EFCAB8: variants seen among roughly 807,000 people sequenced by gnomAD.
EFCAB8 encodes EF-hand calcium binding domain 8, also known as EF-hand calcium-binding domain-containing protein 8.
A neutral mutation model predicts 116.3 loss-of-function variants in EFCAB8; 100 were observed. The observed-to-expected ratio is 0.86, with a 90% CI of 0.73 to 1.02. The LOEUF (loss-of-function observed/expected upper bound fraction) is 1.02, where lower values mean the gene tolerates loss of function less well. EFCAB8 is among the 50% of genes least tolerant of loss of function. EFCAB8 has a pLI of 0.00. For synonymous variants in EFCAB8, 558 were observed against 567.9 expected, an observed-to-expected ratio of 0.98 and a Z score of 0.25; for missense variants, 1,320 against 1,416.9, an observed-to-expected ratio of 0.93 and a Z score of 1.10.
At chr20:32,891,142 C>G (rs1985888500) in intron 7 of EFCAB8, among the ~76,000 whole-genome samples, 3 of 152,302 alleles carry the variant, frequency 2.0e-5, no homozygotes, top group Middle Eastern at 3.4e-3. Flanking sequence ...GACAGTCTCA[C>G]TCTGTCACCC....
chr20:32,913,260 G>A lies in EFCAB8; in HGVS notation c.1856+396G>A, dbSNP rs1987026228. ...TCCAGACAAGGTGCCAGCAGATTTG[G>A]TGCCTGGTGAGGGCCTACTTCCTGA... On this transcript the variant is annotated intron_variant, in intron 17 of 26. Coordinates refer to ENST00000400522, the MANE Select transcript of EFCAB8 (RefSeq NM_001143967.2). 2.0e-5 allele frequency among the ~76,000 whole-genome samples: 3 copies of A among 152,118 alleles called. No individual in the cohort carries two copies. The South Asian group carries it at 6.2e-4, about 32-fold the overall frequency.
In EFCAB8 at chr20:32,889,409, G is replaced by A. The variant is rs1056516738; in HGVS notation, c.673+3G>A. On this transcript the variant is annotated splice_donor_region_variant and intron_variant, in intron 7 of 26. Transcript: ENST00000400522. ...TGCGTCTACCAGGCAAAAGATAGGT[G>A]AGTCCCTGGGGGCTTCCCAGCTCTG... The A allele has an allele frequency of 6.4e-7, 1 of 1,551,674 alleles. No homozygotes were observed. Among genetic ancestry groups the A allele is most frequent in the East Asian group, 2.4e-5 (1 of 40,920 alleles).
At chr20:32,901,205 G>T (rs1016898325) in intron 11 of EFCAB8, among the ~76,000 whole-genome samples, 10 of 152,200 alleles carry the variant, frequency 6.6e-5, no homozygotes, top group Non-Finnish European at 1.0e-4. Context: ...CATTGGTGGT[G>T]GTATCACTTA....
intron 21 of EFCAB8, 107 bp from the exon 22 acceptor site, chr20:32,931,070 GC>G (rs1987888895): frequency 3.1e-6 from 3 of 959,948 alleles, no homozygotes; most frequent in Non-Finnish European, 3.1e-6. Flanking sequence ...AGTAAGAACT[GC>G]CCCCCACCCC....
In EFCAB8 at chr20:32,960,307, A is replaced by G. The variant is rs139756965; in HGVS notation, c.3393+146A>G. On this transcript the variant is annotated intron_variant, in intron 26 of 26. Transcript: ENST00000400522. ...CCTTTAACAGGATTCTGGGCCATGG[A>G]CAGGTCTGGGATGAGACTAATGTGG... The G allele has an allele frequency of 8.5e-3, 6,870 of 809,824 alleles. 83 individuals are homozygous for G. Among genetic ancestry groups the G allele is most frequent in the Non-Finnish European group, 8.0e-3 (4,059 of 505,030 alleles). 50.2% of individuals were successfully genotyped at this position (809,824 alleles called of 1,614,324 possible).
intron 22 of EFCAB8, among the ~76,000 whole-genome samples, chr20:32,931,788 A>G (rs943593890): frequency 1.3e-5 from 2 of 152,186 alleles, no homozygotes; most frequent in Non-Finnish European, 2.9e-5. Context: ...ATTCGTAATA[A>G]TGCCACATTA....
At chr20:32,912,700 G>A (rs1986998489) in intron 16 of EFCAB8, 94 bp from the exon 17 acceptor site, 1 of 702,312 alleles carries the variant, frequency 1.4e-6, no homozygotes, top group Non-Finnish European at 2.6e-6. Context: ...CCAGAGATTT[G>A]ACTTCTTGCT....
chr20:32,914,372 A>G (rs1476606947), intron 17 of EFCAB8, among the ~76,000 whole-genome samples: 1 of 152,174 alleles, frequency 6.6e-6, no homozygotes, highest in African/African-American at 2.4e-5. Flanking sequence ...CTTCAGGGTC[A>G]TTCTTTCATT....
chr20:32,883,221 G>C (rs1985431514), intron 5 of EFCAB8, among the ~76,000 whole-genome samples: 1 of 152,180 alleles, frequency 6.6e-6, no homozygotes, highest in Non-Finnish European at 1.5e-5. Context: ...GGGTATTTCA[G>C]GTTTCAAGAT....
intron 1 of EFCAB8, among the ~76,000 whole-genome samples, chr20:32,863,543 CTCCT>C (rs1301562586): frequency 3.3e-5 from 5 of 152,188 alleles, no homozygotes; most frequent in African/African-American, 1.2e-4. Context: ...TGCAGGACAA[CTCCT>C]CTCTATCAGG....
rs1352684306 is a variant in EFCAB8, at chr20:32,939,893, C to T, written c.2791-3743C>T. Among the ~76,000 whole-genome samples, 13 of 147,742 alleles carry T rather than the reference C, an allele frequency of 8.8e-5. 2 individuals carry two copies. The highest frequency in any genetic ancestry group is 1.3e-4 in the African/African-American group (5 of 39,492). ...TATTTTCAGTAGAGATGGGGTTTTG[C>T]CATGTTGGCCAAGCTGGTCTCGAAC... On this transcript the variant is annotated intron_variant, in intron 22 of 26. Transcript: ENST00000400522.
At chr20:32,928,572 C>T (rs549844120) in intron 20 of EFCAB8, among the ~76,000 whole-genome samples, 2 of 152,246 alleles carry the variant, frequency 1.3e-5, no homozygotes, top group East Asian at 3.9e-4. Flanking sequence ...TTGTATCCTG[C>T]CATTTTGCTG....
intron 20 of EFCAB8, among the ~76,000 whole-genome samples, chr20:32,921,989 C>T (rs751577444): frequency 1.3e-5 from 2 of 151,922 alleles, no homozygotes; most frequent in Non-Finnish European, 2.9e-5. Flanking sequence ...GCCACCATGC[C>T]CAGCTGCTTT....
At chr20:32,880,292 A>T (rs1353636086) in intron 5 of EFCAB8, among the ~76,000 whole-genome samples, 2 of 149,940 alleles carry the variant, frequency 1.3e-5, no homozygotes, top group African/African-American at 4.9e-5. Flanking sequence ...TTTTTGAGAC[A>T]GAGTCTCACT....
chr20:32,926,311 C>A (rs1429958784), intron 20 of EFCAB8, among the ~76,000 whole-genome samples: 1 of 152,138 alleles, frequency 6.6e-6, no homozygotes, highest in African/African-American at 2.4e-5. Flanking sequence ...TAAAGCACAT[C>A]CTTTAAAATG....
intron 23 of EFCAB8, among the ~76,000 whole-genome samples, chr20:32,956,872 C>T (rs1988979365): frequency 6.6e-6 from 1 of 151,352 alleles, no homozygotes; most frequent in Admixed American, 6.6e-5. Flanking sequence ...TCTCTCTCCT[C>T]TCATTGTGGG....
chr20:32,875,502 G>GTTTTTTTTTTT lies in EFCAB8; in HGVS notation c.209-416_209-406dup, dbSNP rs57620114. The stretch of plus-strand genomic sequence containing the variant: ...CTGAGCACACCTGGTAAACATGGTG[G>GTTTTTTTTTTT]TTTTTTTTTTTTTTTTTTGAGACAG... On this transcript the variant is annotated intron_variant, in intron 3 of 26. Transcript: ENST00000400522. 5.3e-3 allele frequency among the ~76,000 whole-genome samples: 480 copies of GTTTTTTTTTTT among 89,814 alleles called. 38 individuals are homozygous for GTTTTTTTTTTT. The highest frequency in any genetic ancestry group is 9.3e-3 in the Non-Finnish European group (361 of 38,690). The allele number at this position is 89,814 out of a possible 152,430, so 58.9% of individuals were successfully genotyped here. A position where few individuals can be genotyped will look rare whatever the true frequency, so the allele number is the denominator to read the frequency against.
intron 20 of EFCAB8, among the ~76,000 whole-genome samples, chr20:32,921,456 T>G (rs1987451025): frequency 6.6e-6 from 1 of 151,848 alleles, no homozygotes; most frequent in Non-Finnish European, 1.5e-5. Context: ...GCTCAAGTGA[T>G]CCTCCTGGCT....
At position 32,871,960 on chromosome 20, in the gene EFCAB8, G is replaced by A. The variant is rs549062318; in HGVS notation, c.209-3966G>A. Among the ~76,000 whole-genome samples the A allele has an allele frequency of 7.9e-5, 12 of 152,296 alleles. No homozygotes were observed. The South Asian group carries it at 1.0e-3, about 13-fold the overall frequency. ...TCCCAGCTCTGTCTGGAAGGAGGCCGCAGGGCTCATGGCCTGCCCCCTGGC... is the reference window on the plus strand; with the variant it reads ...TCCCAGCTCTGTCTGGAAGGAGGCCACAGGGCTCATGGCCTGCCCCCTGGC... On this transcript the variant is annotated intron_variant, in intron 3 of 26. Coordinates refer to ENST00000400522, the MANE Select transcript of EFCAB8 (RefSeq NM_001143967.2).
Sources: allele counts gnomAD v4.1 joint callset (sites outside exome capture counted in the v4.1 genomes callset), GRCh38; gene constraint gnomAD v4.1.1; transcripts MANE v1.5; gene names NCBI Gene and HGNC (gene_info 2026-07-23, HGNC 2026-07-21).